CELSR1: variants seen among roughly 807,000 people sequenced by gnomAD.
CELSR1 encodes cadherin EGF LAG seven-pass G-type receptor 1.
Under a neutral mutation model 249.1 loss-of-function variants are expected in CELSR1, and 110 were observed. The ratio of observed to expected loss-of-function variants is 0.44; its 90% CI spans 0.38 to 0.52. The LOEUF (loss-of-function observed/expected upper bound fraction) is 0.52. Ranked by LOEUF, CELSR1 falls within the 20% of genes least tolerant of loss-of-function variation. The pLI is 0.00. For synonymous variants in CELSR1, 2,113 were observed against 1,900.0 expected (o/e 1.11, Z -2.92); for missense variants, 4,109 against 4,296.4 (o/e 0.96, Z 1.22).
rs529363537 is a variant in CELSR1 at position 46,378,581 on chromosome 22, G to C, written c.7383+10C>G. The C allele has an allele frequency of 7.8e-5, 122 of 1,557,268 alleles. No individual in the cohort carries two copies. The East Asian group carries it at 1.3e-3, about 17-fold the overall frequency. ...CCCAGAGGGCACAGTGGCCACGGGA[G>C]GATGCCCACCTCACGCCTGGAGATA... On this transcript the variant is annotated intron_variant, in intron 23 of 34. Coordinates refer to ENST00000674500, the MANE Select transcript of CELSR1 (RefSeq NM_001378328.1).
In CELSR1 at chr22:46,517,348, T is replaced by G. The variant is rs1007958232; in HGVS notation, c.3544+16279A>C. ...GGTTTCCCGGGCCAAACCGGAGACT[T>G]GGACGGCCGTCCAACACCAAAGCCA... is the stretch of plus-strand genomic sequence containing the variant. On this transcript the variant is annotated intron_variant, in intron 1 of 34. Transcript: ENST00000674500. This position sits in a 1 kb window ranked among gnomAD's most constrained non-coding sequence, Gnocchi z 5.4. Among the ~76,000 whole-genome samples the G allele has an allele frequency of 3.9e-5, 6 of 152,204 alleles. No individual in the cohort carries two copies. Among genetic ancestry groups the G allele is most frequent in the Non-Finnish European group, 8.8e-5 (6 of 68,038 alleles).
chr22:46,410,592 C>A lies in CELSR1; in HGVS notation c.4770-31G>T. The A allele has an allele frequency of 6.2e-7, 1 of 1,605,772 alleles. No individual in the cohort carries two copies. Among genetic ancestry groups the A allele is most frequent in the Admixed American group, 1.7e-5 (1 of 59,878 alleles). ...TAGGTAAAGCCATCTTCTGTGACGT[C>A]AGGGCGGGGAGAGGCGGCCACGGCG... On this transcript the variant is annotated intron_variant, in intron 6 of 34. Transcript: ENST00000674500. This position sits in a 1 kb window ranked among gnomAD's most constrained non-coding sequence, Gnocchi z 6.8.
At position 46,374,805 on chromosome 22, in the gene CELSR1, G is replaced by A. The variant is rs1003736712; in HGVS notation, c.7585-1748C>T. Among the ~76,000 whole-genome samples the A allele has an allele frequency of 2.6e-5, 4 of 152,180 alleles. No individual in the cohort carries two copies. The highest frequency in any genetic ancestry group is 5.9e-5 in the Non-Finnish European group (4 of 68,042). On this transcript the variant is annotated intron_variant, in intron 24 of 34. Transcript: ENST00000674500. This position sits in a 1 kb window ranked among gnomAD's most constrained non-coding sequence, Gnocchi z 4.3. ...GCGGATGAGAACGTGCCCATTGCGG[G>A]GATGCGCCCGGCTGCGGATGTGAAG...
intron 1 of CELSR1, 69 bp downstream of exon 1, chr22:46,533,557 CT>C: frequency 6.7e-7 from 1 of 1,500,522 alleles, no homozygotes; most frequent in Non-Finnish European, 8.8e-7. Context: ...AGGCGGAGCC[CT>C]TGGCGGGTTC....
intron 30 of CELSR1, 63 bp downstream of exon 30, chr22:46,366,323 G>T: frequency 1.5e-6 from 2 of 1,338,988 alleles, no homozygotes; most frequent in Non-Finnish European, 2.1e-6. Context: ...AGGTTGGGGT[G>T]GCAGGGGCAA....
rs1466262732 is a variant in CELSR1, at chr22:46,436,660, C to T, written c.4407-371G>A. On this transcript the variant is annotated intron_variant, in intron 3 of 34. Transcript: ENST00000674500. This position sits in a 1 kb window ranked among gnomAD's most constrained non-coding sequence, Gnocchi z 5.9. ...CTGTGAACAGATCCCCCCGTGTGTG[C>T]GCCAGGGCATGGGGACCTGGTACCT... Among the ~76,000 whole-genome samples the T allele has an allele frequency of 2.6e-5, 4 of 152,118 alleles. No individual in the cohort carries two copies. Among genetic ancestry groups the T allele is most frequent in the Admixed American group, 1.3e-4 (2 of 15,268 alleles).
Position 46,394,088 on chromosome 22 carries a change from G to T in CELSR1, c.5964+54C>A, listed in dbSNP as rs532256947. On this transcript the variant is annotated intron_variant, in intron 14 of 34. Coordinates refer to ENST00000674500, the MANE Select transcript of CELSR1 (RefSeq NM_001378328.1). Reference sequence around the variant, plus strand: ...GGCGTGTGTGTATTTAGGGGCAGCTGTGCATGTGTGTGAGCAAACACAGCA... The same window carrying T: ...GGCGTGTGTGTATTTAGGGGCAGCTTTGCATGTGTGTGAGCAAACACAGCA... 53 of 1,588,928 alleles carry T rather than the reference G, an allele frequency of 3.3e-5. 1 individual carries two copies. In the East Asian group the frequency reaches 3.6e-4, roughly 11 times the overall value.
rs746455154 is a variant in CELSR1, at chr22:46,534,862, G to A, written c.2309C>T (p.Ser770Leu). 14 of 1,612,860 alleles carry A rather than the reference G, an allele frequency of 8.7e-6. No homozygotes were observed. The highest frequency in any genetic ancestry group is 3.3e-5 in the Admixed American group (2 of 60,022). The change falls in exon 1 of 35, where the codon TCG (serine) becomes TTG (leucine). Residue 770 changes from serine (S) to leucine (L), a missense_variant. Transcript: ENST00000674500. This position sits in a 1 kb window ranked among gnomAD's most constrained non-coding sequence, Gnocchi z 9.7. ...LAVTASDGTR[S>L]HTAHVLINVT... ...GTTGATTAGGACATGCGCAGTGTGC[G>A]ACCGTGTGCCGTCGGATGCTGTCAC...
chr22:46,536,011 T>C lies in CELSR1; in HGVS notation c.1160A>G (p.Asn387Ser). Residue 387 changes from asparagine (N) to serine (S), a missense_variant, in exon 1 of 35, where the codon AAC (asparagine) becomes AGC (serine). By Grantham distance (46) the Asn-to-Ser change is conservative. This residue lies in a region of CELSR1 where 673 missense variants were observed against 636.8 expected (regional missense o/e 1.06). Transcript: ENST00000674500. ...GCCCCCCAACACGCGGTAACGCAAG[T>C]TGGCGTTGATGGGCGAGTCGCGGTC... ...ASDRDSPINA[N>S]LRYRVLGGAW... The C allele has an allele frequency of 6.2e-7, 1 of 1,610,816 alleles. No homozygotes were observed. The highest frequency in any genetic ancestry group is 8.5e-7 in the Non-Finnish European group (1 of 1,179,918).
chr22:46,395,451 C>T lies in CELSR1; in HGVS notation c.5843+1154G>A, dbSNP rs1602073395. On this transcript the variant is annotated intron_variant, in intron 13 of 34. Coordinates refer to ENST00000674500, the MANE Select transcript of CELSR1 (RefSeq NM_001378328.1). This position sits in a 1 kb window ranked among gnomAD's most constrained non-coding sequence, Gnocchi z 5.5. ...CCCCTTACTCCTCTCCAGCTTGGCT[C>T]TGTTGCTTTCGCTCCCAGAATGCCC... Among the ~76,000 whole-genome samples, 2 of 152,268 alleles carry T rather than the reference C, an allele frequency of 1.3e-5. No individual in the cohort carries two copies. Among genetic ancestry groups the T allele is most frequent in the South Asian group, 4.1e-4 (2 of 4,828 alleles).
intron 1 of CELSR1, among the ~76,000 whole-genome samples, chr22:46,528,292 C>T (rs779248763): frequency 3.2e-4 from 48 of 152,260 alleles, no homozygotes; most frequent in Non-Finnish European, 5.3e-4. Context: ...CAAGCCTAGA[C>T]GACTTTATAC....
In CELSR1 at chr22:46,536,667, G is replaced by A. The variant is rs1380351890; in HGVS notation, c.504C>T (p.Gly168=). The change falls in exon 1 of 35, where the codon GGC becomes GGT. Residue 168 remains glycine (G), a synonymous_variant. Transcript: ENST00000674500. ...CGCCCGGCGGCAGGCAGATGGGACG[G>A]CCGGGACAGCGGGGCCTGGGGCGCG... is the stretch of plus-strand genomic sequence containing the variant. The part of the protein sequence containing the change: ...CPPRPRPRCP[G]RPICLPPGGS... The A allele has an allele frequency of 2.6e-6, 3 of 1,168,962 alleles. No homozygotes were observed. The highest frequency in any genetic ancestry group is 2.1e-6 in the Non-Finnish European group (2 of 949,550). The allele number at this position is 1,168,962 out of a possible 1,614,324, so 72.4% of individuals were successfully genotyped here. A position where few individuals can be genotyped will look rare whatever the true frequency, so the allele number is the denominator to read the frequency against.
Position 46,386,590 on chromosome 22 carries a change from T to G in CELSR1, c.6556-5A>C. The stretch of plus-strand genomic sequence containing the variant: ...GCTGCCCGAGTGGATGACGTCCTGG[T>G]CAGACAGACAGCACTCAGTACTCAG... On this transcript the variant is annotated splice_polypyrimidine_tract_variant and splice_region_variant and intron_variant, in intron 18 of 34. Transcript: ENST00000674500. The G allele has an allele frequency of 6.3e-7, 1 of 1,585,222 alleles. No homozygotes were observed. The highest frequency in any genetic ancestry group is 8.5e-7 in the Non-Finnish European group (1 of 1,172,184).
chr22:46,465,308 C>T (rs1453975037), intron 1 of CELSR1, among the ~76,000 whole-genome samples: 3 of 47,578 alleles, frequency 6.3e-5, no homozygotes, highest in Admixed American at 1.6e-4. Flanking sequence ...GAGCCCCCAC[C>T]CCATCCCACC....
At chr22:46,452,042 G>A (rs2079891954) in intron 2 of CELSR1, among the ~76,000 whole-genome samples, 1 of 152,194 alleles carries the variant, frequency 6.6e-6, no homozygotes, top group South Asian at 2.1e-4. Context: ...AGAGCCTCCA[G>A]GAAGCGCAGC....
chr22:46,446,144 T>C lies in CELSR1; in HGVS notation c.4184-6733A>G, dbSNP rs1004048624. Reference sequence around the variant, plus strand: ...CACACACCCAGCCCCCTCCACACCATACTCACGAGCCTGTGCCGGCCCCAC... The same window carrying C: ...CACACACCCAGCCCCCTCCACACCACACTCACGAGCCTGTGCCGGCCCCAC... On this transcript the variant is annotated intron_variant, in intron 2 of 34. Transcript: ENST00000674500. The surrounding 1 kb of genome is among the most constrained non-coding windows in gnomAD (Gnocchi z 5.5). Among the ~76,000 whole-genome samples the C allele has an allele frequency of 6.6e-6, 1 of 151,904 alleles. No homozygotes were observed. The highest frequency in any genetic ancestry group is 6.6e-5 in the Admixed American group (1 of 15,264).
rs779295574 is a variant in CELSR1 at position 46,463,755 on chromosome 22, G to A, written c.4135C>T (p.Arg1379Cys). Residue 1379 changes from arginine (R) to cysteine (C), a missense_variant, in exon 2 of 35, where the codon CGC becomes TGC. Coordinates refer to ENST00000674500, the MANE Select transcript of CELSR1 (RefSeq NM_001378328.1). ...CAGGTGTAGCCGCCCTCGCGGCTGC[G>A]GCAGCGGCCGTTGGCGCCGCACGGG... ...SDPCGANGRCRSREGGYTCEC... is the reference protein window; with the variant it reads ...SDPCGANGRCCSREGGYTCEC... 15 of 1,546,114 alleles carry A rather than the reference G, an allele frequency of 9.7e-6. No individual in the cohort carries two copies. Among genetic ancestry groups the A allele is most frequent in the South Asian group, 3.8e-5 (3 of 79,990 alleles).
At chr22:46,439,573 T>C (rs547964029) in intron 2 of CELSR1, among the ~76,000 whole-genome samples, 162 bp from the exon 3 acceptor site, 3 of 152,182 alleles carry the variant, frequency 2.0e-5, no homozygotes, top group African/African-American at 7.2e-5. Context: ...CAGAAACCCC[T>C]GAGTTCTCAA....
rs946189674 is a variant in CELSR1, at chr22:46,464,783, G to A, written c.3545-438C>T. Among the ~76,000 whole-genome samples, 2 of 152,112 alleles carry A rather than the reference G, an allele frequency of 1.3e-5. No homozygotes were observed. The highest frequency in any genetic ancestry group is 2.4e-5 in the African/African-American group (1 of 41,438). ...TCCTCTGCACCTGCCCTGGCCTCCA[G>A]GGATCCCACCCTGCCCAACCTCCCA... On this transcript the variant is annotated intron_variant, in intron 1 of 34. Transcript: ENST00000674500. The surrounding 1 kb of genome is among the most constrained non-coding windows in gnomAD (Gnocchi z 8.5).
Sources: allele counts gnomAD v4.1 joint callset (sites outside exome capture counted in the v4.1 genomes callset), GRCh38; gene constraint gnomAD v4.1.1; regional missense constraint gnomAD v4.1.1; non-coding constraint Gnocchi (gnomAD v3.1); transcripts MANE v1.5; gene names NCBI Gene and HGNC (gene_info 2026-07-23, HGNC 2026-07-21).